The following CACNA1C variants were observed in gnomAD, a reference collection of about 807,000 sequenced individuals.
The protein encoded by CACNA1C is calcium voltage-gated channel subunit alpha1 C, also known as voltage-dependent L-type calcium channel subunit alpha-1C.
CACNA1C carries 30 observed loss-of-function variants against 229.0 expected under a neutral mutation model. That is an observed-to-expected ratio of 0.13 (90% CI 0.10 to 0.18). The LOEUF is 0.18. Ranked by LOEUF, CACNA1C falls within the 10% of genes least tolerant of loss-of-function variation. CACNA1C has a pLI of 1.00. For missense variants in CACNA1C, 1,658 were observed against 2,845.0 expected, an observed-to-expected ratio of 0.58 and a Z score of 9.49; for synonymous variants, 1,114 against 1,132.5, an observed-to-expected ratio of 0.98 and a Z score of 0.33.
At chr12:2,282,560 C>T (rs1408261909) in intron 3 of CACNA1C, among the ~76,000 whole-genome samples, 2 of 152,200 alleles carry the variant, frequency 1.3e-5, no homozygotes, top group East Asian at 3.8e-4. Flanking sequence ...AGGAGGAGGT[C>T]ACCAAAACCA....
In CACNA1C at chr12:2,235,799, T is replaced by C. The variant is rs573857208; in HGVS notation, c.477+115369T>C. Among the ~76,000 whole-genome samples the C allele has an allele frequency of 3.3e-5, 5 of 152,308 alleles. No homozygotes were observed. In the East Asian group the frequency reaches 9.7e-4, roughly 29 times the overall value. Reference sequence around the variant, plus strand: ...TAGGAGCAGTCCGGTGCACCAGAGCTGTGGAATGACTCCCAGGTTCCATTT... The same window carrying C: ...TAGGAGCAGTCCGGTGCACCAGAGCCGTGGAATGACTCCCAGGTTCCATTT... On this transcript the variant is annotated intron_variant, in intron 3 of 46. Transcript: ENST00000399655.
At chr12:2,421,982 T>C (rs1218091006) in intron 3 of CACNA1C, among the ~76,000 whole-genome samples, 1 of 152,088 alleles carries the variant, frequency 6.6e-6, no homozygotes, top group African/African-American at 2.4e-5. Context: ...AACCTGGTAG[T>C]GAACAAAATA....
chr12:2,655,049 G>T, intron 33 of CACNA1C, 98 bp from the exon 34 acceptor site: 4 of 763,730 alleles, frequency 5.2e-6, no homozygotes, highest in Non-Finnish European at 9.2e-6. Context: ...CAGTTCCAGG[G>T]ACACCTGAGA....
chr12:2,264,476 T>C (rs2081537761), intron 3 of CACNA1C, among the ~76,000 whole-genome samples: 1 of 152,218 alleles, frequency 6.6e-6, no homozygotes, highest in Non-Finnish European at 1.5e-5. Flanking sequence ...AGGGAGATGA[T>C]GGGACTTGTC....
chr12:2,337,160 A>G (rs2096722097), intron 3 of CACNA1C, among the ~76,000 whole-genome samples: 1 of 152,200 alleles, frequency 6.6e-6, no homozygotes, highest in Non-Finnish European at 1.5e-5. Context: ...CCTGGCTGCA[A>G]TGCCCTTCCA....
At chr12:2,338,767 G>A (rs2096777081) in intron 3 of CACNA1C, among the ~76,000 whole-genome samples, 1 of 152,116 alleles carries the variant, frequency 6.6e-6, no homozygotes, top group Non-Finnish European at 1.5e-5. Flanking sequence ...TGCCCTTGGG[G>A]GTGGAATAGG....
At chr12:2,579,346 C>A (rs2059708005) in intron 13 of CACNA1C, among the ~76,000 whole-genome samples, 1 of 152,130 alleles carries the variant, frequency 6.6e-6, no homozygotes, top group Non-Finnish European at 1.5e-5. Flanking sequence ...CACATGCGGA[C>A]ACTCTTCCCT....
At chr12:2,095,756 G>A (rs946351651) in intron 1 of CACNA1C, among the ~76,000 whole-genome samples, 6 of 152,188 alleles carry the variant, frequency 3.9e-5, no homozygotes, top group Admixed American at 1.3e-4. Context: ...GAAGAGGAGA[G>A]TGCATGCATC....
At chr12:2,617,141 G>A (rs1046753559) in intron 29 of CACNA1C, among the ~76,000 whole-genome samples, 9 of 152,188 alleles carry the variant, frequency 5.9e-5, no homozygotes, top group South Asian at 2.1e-4. Context: ...CGGTTTCTCC[G>A]GTCCCCCACC....
chr12:2,378,140 T>C (rs2098128402), intron 3 of CACNA1C, among the ~76,000 whole-genome samples: 1 of 152,170 alleles, frequency 6.6e-6, no homozygotes, highest in Admixed American at 6.5e-5. Flanking sequence ...ATAATGATTA[T>C]AAAGTCTAGA....
chr12:2,123,619 G>A (rs1227751904), intron 3 of CACNA1C, among the ~76,000 whole-genome samples: 1 of 152,096 alleles, frequency 6.6e-6, no homozygotes, highest in Non-Finnish European at 1.5e-5. Flanking sequence ...ACGAAACATA[G>A]CCCAGGTGAA....
At chr12:2,416,366 A>AAAGGAAGGAGGG (rs1035370428) in intron 3 of CACNA1C, among the ~76,000 whole-genome samples, 1 of 152,132 alleles carries the variant, frequency 6.6e-6, no homozygotes, top group African/African-American at 2.4e-5. Flanking sequence ...TGGTGGAAGA[A>AAAGGAAGGAGGG]AAGGAAGGAG....
chr12:2,395,842 C>T (rs760786061), intron 3 of CACNA1C, among the ~76,000 whole-genome samples: 41 of 152,194 alleles, frequency 2.7e-4, no homozygotes, highest in Non-Finnish European at 5.0e-4. Flanking sequence ...AGTAGTTGCT[C>T]ATACCATTAT....
intron 3 of CACNA1C, among the ~76,000 whole-genome samples, chr12:2,253,997 A>C (rs1047333025): frequency 6.6e-6 from 1 of 152,092 alleles, no homozygotes; most frequent in Non-Finnish European, 1.5e-5. Flanking sequence ...GCTGGATGGG[A>C]AGGGCTCAGT....
intron 9 of CACNA1C, among the ~76,000 whole-genome samples, chr12:2,530,098 T>C (rs1356197629): frequency 1.3e-5 from 2 of 152,240 alleles, no homozygotes; most frequent in Non-Finnish European, 2.9e-5. Context: ...CAGCTGTATC[T>C]CCTGGATGTA....
intron 1 of CACNA1C, chr12:1,992,014 AAAACAATTCAAACTAT>A (rs991730322): frequency 2.0e-5 from 6 of 294,584 alleles, no homozygotes; most frequent in African/African-American, 1.1e-4. Context: ...ATAAGCACAC[AAAACAATTCAAACTAT>A]AAACAATTCA....
intron 3 of CACNA1C, among the ~76,000 whole-genome samples, chr12:2,207,309 G>A (rs1357567858): frequency 6.6e-6 from 1 of 152,222 alleles, no homozygotes; most frequent in East Asian, 1.9e-4. Context: ...GCTGTGTGAA[G>A]TCAGCTGACG....
At chr12:2,225,354 A>G (rs2062662660) in intron 3 of CACNA1C, among the ~76,000 whole-genome samples, 2 of 152,242 alleles carry the variant, frequency 1.3e-5, no homozygotes, top group Admixed American at 6.5e-5. Flanking sequence ...TTCAAATGTT[A>G]TCTTTTAAGC....
chr12:2,024,314 A>G (rs1205044058), intron 1 of CACNA1C, among the ~76,000 whole-genome samples: 1 of 152,216 alleles, frequency 6.6e-6, no homozygotes, highest in Non-Finnish European at 1.5e-5. Context: ...CCAGGTATTT[A>G]TAGATGACAT....
Sources: allele counts gnomAD v4.1 joint callset (sites outside exome capture counted in the v4.1 genomes callset), GRCh38; gene constraint gnomAD v4.1.1; transcripts MANE v1.5; gene names NCBI Gene and HGNC (gene_info 2026-07-23, HGNC 2026-07-21).